Variants in TCHH observed in about 807,000 individuals in gnomAD.
TCHH encodes the protein trichohyalin.
TCHH carries 6 observed loss-of-function variants against 6.3 expected under a neutral mutation model. That is an observed-to-expected ratio of 0.95 (90% CI 0.52 to 1.88). The LOEUF is 1.88. Among genes scored for constraint, TCHH ranks in the 40% most tolerant of loss-of-function variants. TCHH has a pLI of 0.01. For missense variants in TCHH, 2,920 were observed against 2,449.1 expected, an observed-to-expected ratio of 1.19 and a Z score of -4.06; for synonymous variants, 1,087 against 963.6, an observed-to-expected ratio of 1.13 and a Z score of -2.37.
At position 152,109,430 on chromosome 1, in the gene TCHH, A is replaced by C; in HGVS notation, c.3787T>G (p.Ser1263Ala). ...AGCAGGTGCTGCAGATCTTGCTGGG[A>C]TTGTCTGTCGCGCAGCTGGGAATCT... ...LEDSQLRDRQ[S>A]QQDLQHLLGE... is the part of the protein sequence containing the mutation. Residue 1263 changes from serine (S) to alanine (A), a missense_variant, in exon 3 of 3, where the codon TCC (serine) becomes GCC (alanine). Coordinates refer to ENST00000614923, the MANE Select transcript of TCHH (RefSeq NM_007113.4). The C allele has an allele frequency of 1.2e-6, 2 of 1,613,468 alleles. No individual in the cohort carries two copies. The highest frequency in any genetic ancestry group is 1.7e-6 in the Non-Finnish European group (2 of 1,179,528).
Position 152,107,682 on chromosome 1 carries a change from G to A in TCHH, c.5535C>T (p.Tyr1845=), listed in dbSNP as rs1480271464. Residue 1845 remains tyrosine, a synonymous_variant, in exon 3 of 3, where the codon TAC becomes TAT. Transcript: ENST00000614923. The stretch of plus-strand genomic sequence containing the variant: ...GCGTGGCAAACTGCTCCTCCGCCCG[G>A]TACTGCCGGTCTCGCTCCTGCCGCA... ...QRLRQERDRQ[Y]RAEEQFATQE... 6.2e-7 allele frequency: 1 copy of A among 1,614,130 alleles called. No individual in the cohort carries two copies. Among genetic ancestry groups the A allele is most frequent in the Admixed American group, 1.7e-5 (1 of 60,010 alleles).
Position 152,108,489 on chromosome 1 carries a change from C to T in TCHH, c.4728G>A (p.Glu1576=), listed in dbSNP as rs533275295. 5.5e-5 allele frequency: 89 copies of T among 1,611,984 alleles called. 2 individuals are homozygous for T. The South Asian group carries it at 9.1e-4, about 17-fold the overall frequency. ...CCTCTAAACGGAATTTTCTGTCACG[C>T]TCTTGGCGGCTCAGCTGCTGTTCCT... ...EREEQQLSRQ[E]RDRKFRLEEQ... Residue 1576 remains glutamate, a synonymous_variant, in exon 3 of 3, where the codon GAG becomes GAA. Transcript: ENST00000614923.
Position 152,107,576 on chromosome 1 carries a change from G to C in TCHH, c.5641C>G (p.Arg1881Gly), listed in dbSNP as rs760165446. 2.5e-6 allele frequency: 4 copies of C among 1,613,924 alleles called. No homozygotes were observed. The highest frequency in any genetic ancestry group is 3.4e-6 in the Non-Finnish European group (4 of 1,180,002). ...TGCTGGCGGCGGATGTGTTCTTCCC[G>C]TAATTTCCTTTCCCGTTCCTGGCGA... The part of the protein sequence containing the change: ...KRRQERERKL[R>G]EEHIRRQQKE... The change falls in exon 3 of 3, where the codon CGG becomes GGG. Residue 1881 changes from arginine (R) to glycine (G), a missense_variant. Transcript: ENST00000614923.
chr1:152,107,279 G>T lies in TCHH; in HGVS notation c.*106C>A. The T allele has an allele frequency of 8.5e-7, 1 of 1,174,128 alleles. No individual in the cohort carries two copies. The highest frequency in any genetic ancestry group is 1.2e-6 in the Non-Finnish European group (1 of 842,248). 72.7% of individuals were successfully genotyped at this position (1,174,128 alleles called of 1,614,324 possible). Reference sequence around the variant, plus strand: ...GAAGAAAAGACATTCTAATATCAGAGAGTTTTCCCACAACCAGAAACATCT... The same window carrying T: ...GAAGAAAAGACATTCTAATATCAGATAGTTTTCCCACAACCAGAAACATCT... On this transcript the variant is annotated 3_prime_UTR_variant, in exon 3 of 3. Coordinates refer to ENST00000614923, the MANE Select transcript of TCHH (RefSeq NM_007113.4).
Position 152,111,598 on chromosome 1 carries a change from C to G in TCHH, c.1619G>C (p.Arg540Pro). 6.4e-7 allele frequency: 1 copy of G among 1,568,084 alleles called. No homozygotes were observed. The highest frequency in any genetic ancestry group is 8.6e-7 in the Non-Finnish European group (1 of 1,156,674). ...QRLRSEQQLRREQEERREQLL... is the reference protein window; with the variant it reads ...QRLRSEQQLRPEQEERREQLL... ...CTGCTCGCGCCTCTCCTCCTGCTCG[C>G]GTCTTAGTTGTTGCTCGCTCCTCAA... is the stretch of plus-strand genomic sequence containing the variant. The change falls in exon 3 of 3, where the codon CGC (arginine) becomes CCC (proline). Residue 540 changes from arginine to proline, a missense_variant. Arg to Pro is a moderately radical substitution (Grantham distance 103). Transcript: ENST00000614923.
At position 152,109,973 on chromosome 1, in the gene TCHH, T is replaced by G; in HGVS notation, c.3244A>C (p.Lys1082Gln). 1 of 1,220,896 alleles carries G rather than the reference T, an allele frequency of 8.2e-7. No homozygotes were observed. The highest frequency in any genetic ancestry group is 1.0e-6 in the Non-Finnish European group (1 of 959,088). The allele number at this position is 1,220,896 out of a possible 1,614,324, so 75.6% of individuals were successfully genotyped here. A position where few individuals can be genotyped will look rare whatever the true frequency, so the allele number is the denominator to read the frequency against. Residue 1082 changes from lysine to glutamine, a missense_variant, in exon 3 of 3, where the codon AAG (lysine) becomes CAG (glutamine). Transcript: ENST00000614923. ...RRQELERQYR[K>Q]EEELQQEEEQ... ...TCCTCCTGCTGCAGCTCCTCTTCCT[T>G]CCGATATTGCCTCTCCAGCTCCTGG...
In TCHH at chr1:152,108,124, T is replaced by C. The variant is rs752407276; in HGVS notation, c.5093A>G (p.Gln1698Arg). Residue 1698 changes from glutamine to arginine, a missense_variant, in exon 3 of 3, where the codon CAG becomes CGG. Gln to Arg is a conservative substitution (Grantham distance 43). Transcript: ENST00000614923. ...CTCTCGTTCCTGACGGCGGAGCTGC[T>C]GTTCCTCTTCGCGGAATTTTCTGTC... is the stretch of plus-strand genomic sequence containing the variant. ...ERDRKFREEE[Q>R]QLRRQERERK... 8.1e-6 allele frequency: 13 copies of C among 1,613,540 alleles called. No homozygotes were observed. The highest frequency in any genetic ancestry group is 9.3e-6 in the Non-Finnish European group (11 of 1,179,866).
In TCHH at chr1:152,113,085, A is replaced by G; in HGVS notation, c.139-7T>C. 6.4e-7 allele frequency: 1 copy of G among 1,566,328 alleles called. No homozygotes were observed. Among genetic ancestry groups the G allele is most frequent in the African/African-American group, 1.4e-5 (1 of 72,660 alleles). ...TCTTAGGGTCATGTGGTCTCTATAAAAATGGTGAAAACAAAAATTTTACAA... is the reference window on the plus strand; with the variant it reads ...TCTTAGGGTCATGTGGTCTCTATAAGAATGGTGAAAACAAAAATTTTACAA... On this transcript the variant is annotated splice_region_variant and splice_polypyrimidine_tract_variant and intron_variant, in intron 2 of 2. Coordinates refer to ENST00000614923, the MANE Select transcript of TCHH (RefSeq NM_007113.4).
chr1:152,114,810 A>G (rs995672073), intron 1 of TCHH, among the ~76,000 whole-genome samples: 2 of 152,240 alleles, frequency 1.3e-5, no homozygotes, highest in African/African-American at 4.8e-5. Flanking sequence ...AAGTATTGAA[A>G]GCTTCTGAGA....
chr1:152,111,347 C>T lies in TCHH; in HGVS notation c.1870G>A (p.Glu624Lys). ...TGCTGGCGCCTCTCTTCCTCCGGCT[C>T]CTCGCGCTTCAGCCGCTGCTCGCGC... is the stretch of plus-strand genomic sequence containing the variant. ...ERREQRLKRE[E>K]PEEERRQQLL... Residue 624 changes from glutamate to lysine, a missense_variant, in exon 3 of 3, where the codon GAG becomes AAG. By Grantham distance (56) the Glu-to-Lys change is moderately conservative. Coordinates refer to ENST00000614923, the MANE Select transcript of TCHH (RefSeq NM_007113.4). The T allele has an allele frequency of 3.1e-6, 5 of 1,602,636 alleles. No individual in the cohort carries two copies. The highest frequency in any genetic ancestry group is 4.3e-6 in the Non-Finnish European group (5 of 1,176,078).
rs757258212 is a variant in TCHH, at chr1:152,108,003, C to G, written c.5214G>C (p.Glu1738Asp). Reference sequence around the variant, plus strand: ...TGTAGCGTTCTTGGCGGCGCAGCTGCTCTTGCTCCGTTTCTTGGCGCAGCT... The same window carrying G: ...TGTAGCGTTCTTGGCGGCGCAGCTGGTCTTGCTCCGTTTCTTGGCGCAGCT... The part of the protein sequence containing the change: ...EEQLRQETEQ[E>D]QLRRQERYRK... The change falls in exon 3 of 3, where the codon GAG becomes GAC. Residue 1738 changes from glutamate to aspartate, a missense_variant. By Grantham distance (45) the Glu-to-Asp change is conservative. Transcript: ENST00000614923. The G allele has an allele frequency of 6.2e-7, 1 of 1,613,448 alleles. No individual in the cohort carries two copies. The highest frequency in any genetic ancestry group is 1.1e-5 in the South Asian group (1 of 91,026).
Position 152,107,932 on chromosome 1 carries a change from T to C in TCHH, c.5285A>G (p.Gln1762Arg), listed in dbSNP as rs1320910954. ...GTCGCGCTCCTGGCGGCGCAGCTGC[T>C]GTTCTTCCCTTTCCGGACGGAGCTG... The part of the protein sequence containing the change: ...EEQLRPEREE[Q>R]QLRRQERDRK... The change falls in exon 3 of 3, where the codon CAG (glutamine) becomes CGG (arginine). Residue 1762 changes from glutamine to arginine, a missense_variant. Gln to Arg is a conservative substitution (Grantham distance 43). Coordinates refer to ENST00000614923, the MANE Select transcript of TCHH (RefSeq NM_007113.4). 1.9e-6 allele frequency: 3 copies of C among 1,612,160 alleles called. No individual in the cohort carries two copies. The East Asian group carries it at 6.7e-5, about 36-fold the overall frequency.
chr1:152,110,032 T>C lies in TCHH; in HGVS notation c.3185A>G (p.Gln1062Arg), dbSNP rs1288440577. The change falls in exon 3 of 3, where the codon CAG (glutamine) becomes CGG (arginine). Residue 1062 changes from glutamine to arginine, a missense_variant. Physicochemically the swap from Gln to Arg is conservative, Grantham distance 43. Transcript: ENST00000614923. Reference protein sequence around the residue: ...EEEELQQEEEQLLGEERETRR... With the variant: ...EEEELQQEEERLLGEERETRR... ...CGTCTCCCGTTCCTCTCCCAGCAGC[T>C]GCTCTTCCTCCTGCTGCAGCTCCTC... 1 of 1,608,404 alleles carries C rather than the reference T, an allele frequency of 6.2e-7. No homozygotes were observed. The highest frequency in any genetic ancestry group is 2.3e-5 in the East Asian group (1 of 44,388).
rs1477434790 is a variant in TCHH, at chr1:152,108,754, A to G, written c.4463T>C (p.Leu1488Pro). 6.3e-7 allele frequency: 1 copy of G among 1,589,936 alleles called. No homozygotes were observed. The highest frequency in any genetic ancestry group is 2.3e-5 in the East Asian group (1 of 43,794). Residue 1488 changes from leucine to proline, a missense_variant, in exon 3 of 3, where the codon CTG becomes CCG. Coordinates refer to ENST00000614923, the MANE Select transcript of TCHH (RefSeq NM_007113.4). ...GCGGCGCAGCTGTTGTTCCTCCTCC[A>G]GGAATTTTCTGTCACGCTCTTGGCG... is the stretch of plus-strand genomic sequence containing the variant. ...LHRQERDRKF[L>P]EEEQQLRRQE...
Position 152,111,410 on chromosome 1 carries a change from T to G in TCHH, c.1807A>C (p.Lys603Gln). Residue 603 changes from lysine (K) to glutamine (Q), a missense_variant, in exon 3 of 3, where the codon AAG becomes CAG. Transcript: ENST00000614923. ...EQEERLEQRL[K>Q]REEVERLEQE... ...TCGAGTCTCTCCACCTCCTCGCGCTTCAGTCGCTGCTCGAGCCTCTCTTCC... is the reference window on the plus strand; with the variant it reads ...TCGAGTCTCTCCACCTCCTCGCGCTGCAGTCGCTGCTCGAGCCTCTCTTCC... 1 of 1,599,700 alleles carries G rather than the reference T, an allele frequency of 6.3e-7. No individual in the cohort carries two copies. Among genetic ancestry groups the G allele is most frequent in the Non-Finnish European group, 8.5e-7 (1 of 1,175,234 alleles).
chr1:152,107,455 G>A lies in TCHH; in HGVS notation c.5762C>T (p.Ala1921Val), dbSNP rs769944255. 1 of 1,613,850 alleles carries A rather than the reference G, an allele frequency of 6.2e-7. No homozygotes were observed. Among genetic ancestry groups the A allele is most frequent in the Non-Finnish European group, 8.5e-7 (1 of 1,179,840 alleles). The change falls in exon 3 of 3, where the codon GCC (alanine) becomes GTC (valine). Residue 1921 changes from alanine to valine, a missense_variant. Ala to Val is a moderately conservative substitution (Grantham distance 64). Coordinates refer to ENST00000614923, the MANE Select transcript of TCHH (RefSeq NM_007113.4). ...RLLEPGTHQF[A>V]SVPVRSSPLY... ...AGGGCTGGAGCGCACTGGGACACTG[G>A]CAAACTGATGAGTGCCGGGCTCCAG...
Position 152,112,911 on chromosome 1 carries a change from C to T in TCHH, c.306G>A (p.Arg102=). ...GTAACAGGCTCTCCTTTCCGTCACA[C>T]CGGGCTCGCTTCTCCTCATCCAGTC... ...ATGLDEEKRA[R]CDGKESLLQD... The change falls in exon 3 of 3, where the codon CGG becomes CGA. Residue 102 remains arginine, a synonymous_variant. Coordinates refer to ENST00000614923, the MANE Select transcript of TCHH (RefSeq NM_007113.4). The T allele has an allele frequency of 1.2e-6, 2 of 1,613,934 alleles. No homozygotes were observed. Among genetic ancestry groups the T allele is most frequent in the Non-Finnish European group, 1.7e-6 (2 of 1,180,026 alleles).
intron 1 of TCHH, among the ~76,000 whole-genome samples, chr1:152,114,365 C>G (rs529315930): frequency 1.3e-5 from 2 of 152,324 alleles, no homozygotes; most frequent in African/African-American, 4.8e-5. Context: ...TGTGGATTAT[C>G]TATGCCCTTT....
chr1:152,107,725 T>C lies in TCHH; in HGVS notation c.5492A>G (p.Glu1831Gly). 6.2e-7 allele frequency: 1 copy of C among 1,614,200 alleles called. No individual in the cohort carries two copies. Among genetic ancestry groups the C allele is most frequent in the Non-Finnish European group, 8.5e-7 (1 of 1,180,042 alleles). Residue 1831 changes from glutamate (E) to glycine (G), a missense_variant, in exon 3 of 3, where the codon GAG (glutamate) becomes GGG (glycine). By Grantham distance (98) the Glu-to-Gly change is moderately conservative. Transcript: ENST00000614923. ...YRWEEEQLQLEEQEQRLRQER... is the reference protein window; with the variant it reads ...YRWEEEQLQLGEQEQRLRQER... ...CTGCCGCAGCCTCTGCTCTTGTTCC[T>C]CAAGTTGGAGCTGCTCTTCTTCCCA...
Sources: allele counts gnomAD v4.1 joint callset (sites outside exome capture counted in the v4.1 genomes callset), GRCh38; gene constraint gnomAD v4.1.1; transcripts MANE v1.5; gene names NCBI Gene and HGNC (gene_info 2026-07-23, HGNC 2026-07-21).